PTBP2: variants seen among roughly 807,000 people sequenced by gnomAD.
PTBP2 encodes polypyrimidine tract binding protein 2.
Under a neutral mutation model 61.4 loss-of-function variants are expected in PTBP2, and 13 were observed. That is an observed-to-expected ratio of 0.21 (90% confidence interval 0.14 to 0.34). The LOEUF is 0.34. Among genes scored for constraint, PTBP2 ranks in the 10% least tolerant of loss-of-function variants. PTBP2 has a pLI of 1.00. For synonymous variants in PTBP2, 215 were observed against 218.5 expected, an observed-to-expected ratio of 0.98 and a Z score of 0.14; for missense variants, 405 against 642.6, an observed-to-expected ratio of 0.63 and a Z score of 4.00.
chr1:96,776,955 TAATG>T (rs1658107970), intron 5 of PTBP2, among the ~76,000 whole-genome samples: 3 of 152,070 alleles, frequency 2.0e-5, no homozygotes, highest in Admixed American at 2.0e-4. Context: ...ATTTTATAAT[TAATG>T]GTGTATTTGA....
At chr1:96,807,491 T>A (rs886516461) in intron 11 of PTBP2, among the ~76,000 whole-genome samples, 1 of 152,208 alleles carries the variant, frequency 6.6e-6, no homozygotes, top group African/African-American at 2.4e-5. Context: ...ATTAAACTTA[T>A]GTCGTTTGAC....
chr1:96,723,698 C>T (rs1649966109), intron 2 of PTBP2, 104 bp downstream of exon 2: 4 of 986,728 alleles, frequency 4.1e-6, no homozygotes, highest in South Asian at 3.8e-5. Flanking sequence ...GCTAACAAAA[C>T]CCAAGTGTAA....
intron 2 of PTBP2, among the ~76,000 whole-genome samples, chr1:96,731,586 G>T: frequency 6.6e-6 from 1 of 152,006 alleles, no homozygotes; most frequent in African/African-American, 2.4e-5. Flanking sequence ...GATTTTAATA[G>T]TTCCACAAAC....
At chr1:96,767,885 C>T (rs1557730492) in intron 3 of PTBP2, among the ~76,000 whole-genome samples, 2 of 152,038 alleles carry the variant, frequency 1.3e-5, no homozygotes, top group Admixed American at 1.3e-4. Flanking sequence ...TGAAGAGCTA[C>T]CCAGCCAAGA....
chr1:96,805,123 A>G (rs1661376467), intron 9 of PTBP2, among the ~76,000 whole-genome samples, 184 bp downstream of exon 9: 1 of 152,086 alleles, frequency 6.6e-6, no homozygotes, highest in Non-Finnish European at 1.5e-5. Flanking sequence ...ATTTCCTTAA[A>G]CAGTCATGTC....
chr1:96,775,717 A>G (rs1418046851), intron 5 of PTBP2, among the ~76,000 whole-genome samples: 1 of 152,082 alleles, frequency 6.6e-6, no homozygotes, highest in East Asian at 1.9e-4. Flanking sequence ...TTTTGATAAG[A>G]AGTTTTATTA....
chr1:96,805,713 C>T (rs1661437719), intron 9 of PTBP2, among the ~76,000 whole-genome samples: 2 of 152,144 alleles, frequency 1.3e-5, no homozygotes, highest in Admixed American at 1.3e-4. Flanking sequence ...TGAACATTAG[C>T]TTATTTTATC....
intron 3 of PTBP2, among the ~76,000 whole-genome samples, chr1:96,758,944 A>T (rs938566093): frequency 6.6e-6 from 1 of 152,190 alleles, no homozygotes; most frequent in Non-Finnish European, 1.5e-5. Flanking sequence ...TAATAAGTGA[A>T]TTTAGAATAA....
chr1:96,784,791 A>G (rs952236748), intron 7 of PTBP2, among the ~76,000 whole-genome samples: 17 of 152,024 alleles, frequency 1.1e-4, no homozygotes, highest in Admixed American at 9.2e-4. Flanking sequence ...CCTATTTGCA[A>G]TTTTTAAAAA....
intron 2 of PTBP2, among the ~76,000 whole-genome samples, chr1:96,733,495 A>C (rs1468998119): frequency 6.6e-6 from 1 of 152,162 alleles, no homozygotes; most frequent in East Asian, 1.9e-4. Flanking sequence ...CCTGGTCCTC[A>C]TAGCAAGACC....
chr1:96,765,088 GT>G (rs1384819477), intron 3 of PTBP2, among the ~76,000 whole-genome samples: 1 of 152,134 alleles, frequency 6.6e-6, no homozygotes, highest in East Asian at 1.9e-4. Context: ...ACAGGAAAGA[GT>G]AGCAGCATTC....
At chr1:96,795,651 G>C (rs1003245650) in intron 8 of PTBP2, among the ~76,000 whole-genome samples, 1 of 152,172 alleles carries the variant, frequency 6.6e-6, no homozygotes, top group Non-Finnish European at 1.5e-5. Context: ...CAGTAGTTAC[G>C]TACTGTTATT....
At chr1:96,763,530 A>G (rs1156918311) in intron 3 of PTBP2, among the ~76,000 whole-genome samples, 1 of 145,602 alleles carries the variant, frequency 6.9e-6, no homozygotes, top group Non-Finnish European at 1.5e-5. Flanking sequence ...TGGCAGCAGT[A>G]CAGTCCAGCT....
At chr1:96,801,541 GTGTT>G (rs1295226553) in intron 8 of PTBP2, among the ~76,000 whole-genome samples, 1 of 152,072 alleles carries the variant, frequency 6.6e-6, no homozygotes, top group Non-Finnish European at 1.5e-5. Flanking sequence ...AATAGTATGT[GTGTT>G]TATGTGCTTT....
At chr1:96,775,166 C>T (rs1050946226) in intron 5 of PTBP2, among the ~76,000 whole-genome samples, 1 of 152,112 alleles carries the variant, frequency 6.6e-6, no homozygotes, top group African/African-American at 2.4e-5. Flanking sequence ...ATGCACATAA[C>T]CAGAGTGGCT....
chr1:96,739,651 G>A (rs1273916302), intron 2 of PTBP2, among the ~76,000 whole-genome samples: 3 of 135,756 alleles, frequency 2.2e-5, no homozygotes, highest in Non-Finnish European at 4.6e-5. Flanking sequence ...TTTTGAGACG[G>A]AGTCTTACTC....
chr1:96,823,330 C>A (rs1049933640), exon 14 of PTBP2: 2 of 152,176 alleles, frequency 1.3e-5, no homozygotes, highest in African/African-American at 4.8e-5. Flanking sequence ...TTTCAGGTCT[C>A]CCCAGGAATA....
At chr1:96,796,308 A>T (rs1476643346) in intron 8 of PTBP2, among the ~76,000 whole-genome samples, 2 of 148,730 alleles carry the variant, frequency 1.3e-5, no homozygotes, top group South Asian at 4.4e-4. Context: ...AAAAAAAAAG[A>T]AGTAGGTGCA....
chr1:96,754,779 T>C (rs1278658118), intron 3 of PTBP2, among the ~76,000 whole-genome samples: 1 of 152,084 alleles, frequency 6.6e-6, no homozygotes, highest in Non-Finnish European at 1.5e-5. Context: ...CAACAAAGGG[T>C]GCTACAGCAG....
Sources: allele counts gnomAD v4.1 joint callset (sites outside exome capture counted in the v4.1 genomes callset), GRCh38; gene constraint gnomAD v4.1.1; transcripts MANE v1.5; gene names NCBI Gene and HGNC (gene_info 2026-07-23, HGNC 2026-07-21).